Variants in FGF10 observed in about 807,000 individuals in gnomAD.
The protein encoded by FGF10 is fibroblast growth factor 10, also known as FGF-10.
FGF10 carries 2 observed loss-of-function variants against 19.8 expected under a neutral mutation model. That is an observed-to-expected ratio of 0.10 (90% CI 0.04 to 0.32). The LOEUF (loss-of-function observed/expected upper bound fraction) is 0.32. Among genes scored for constraint, FGF10 ranks in the 10% least tolerant of loss-of-function variants. The pLI is 1.00. For synonymous variants in FGF10, 112 were observed against 94.0 expected (o/e 1.19, Z -1.10); for missense variants, 191 against 246.3 (o/e 0.78, Z 1.50).
intron 1 of FGF10, among the ~76,000 whole-genome samples, chr5:44,385,411 C>A (rs1242243232): frequency 6.6e-6 from 1 of 152,162 alleles, no homozygotes; most frequent in Non-Finnish European, 1.5e-5. Context: ...TGTCTTACTT[C>A]CCTTTTGTTA....
At chr5:44,334,743 G>T (rs1740808682) in intron 1 of FGF10, among the ~76,000 whole-genome samples, 1 of 152,030 alleles carries the variant, frequency 6.6e-6, no homozygotes, top group African/African-American at 2.4e-5. Context: ...TGATACTATT[G>T]CAGAGTAGTT....
At chr5:44,367,920 G>A (rs1741656634) in intron 1 of FGF10, among the ~76,000 whole-genome samples, 2 of 150,550 alleles carry the variant, frequency 1.3e-5, no homozygotes. Context: ...AAAACACAGT[G>A]GCACATAAAG....
chr5:44,344,506 G>C (rs1741038586), intron 1 of FGF10, among the ~76,000 whole-genome samples: 1 of 149,076 alleles, frequency 6.7e-6, no homozygotes, highest in East Asian at 2.0e-4. Context: ...GTTATAGTTG[G>C]GGCAAAAGTT....
chr5:44,367,144 T>C (rs1443304643), intron 1 of FGF10, among the ~76,000 whole-genome samples: 2 of 152,052 alleles, frequency 1.3e-5, no homozygotes, highest in Non-Finnish European at 2.9e-5. Context: ...ATTCACACTA[T>C]AAAAGTATTT....
intron 1 of FGF10, among the ~76,000 whole-genome samples, chr5:44,315,253 T>A (rs550198802): frequency 5.9e-5 from 9 of 151,876 alleles, no homozygotes; most frequent in Non-Finnish European, 1.2e-4. Flanking sequence ...TATACATTAC[T>A]TTAAATAGTG....
Position 44,301,043 on chromosome 5 carries a change from G to A in FGF10, c.*3952C>T, listed in dbSNP as rs894612331. ...AATGTCTGAGAAGAAGCAGATCTTC[G>A]TTACTTCATTTCTAAGTACTCATAG... On this transcript the variant is annotated 3_prime_UTR_variant, in exon 3 of 3. Coordinates refer to ENST00000264664, the MANE Select transcript of FGF10 (RefSeq NM_004465.2). 6.6e-6 allele frequency among the ~76,000 whole-genome samples: 1 copy of A among 151,962 alleles called. No individual in the cohort carries two copies. The highest frequency in any genetic ancestry group is 2.4e-5 in the African/African-American group (1 of 41,396).
At chr5:44,316,979 T>G (rs1740366529) in intron 1 of FGF10, among the ~76,000 whole-genome samples, 1 of 152,156 alleles carries the variant, frequency 6.6e-6, no homozygotes, top group African/African-American at 2.4e-5. Context: ...CCCTTAAATA[T>G]ATGCACATGG....
At position 44,344,680 on chromosome 5, in the gene FGF10, C is replaced by T. The variant is rs546638937; in HGVS notation, c.326-34150G>A. ...TCCAATACTCAGGATTGAGAGAGTACAAGTTTTCCTTCATGATGATTTTCT... is the reference window on the plus strand; with the variant it reads ...TCCAATACTCAGGATTGAGAGAGTATAAGTTTTCCTTCATGATGATTTTCT... On this transcript the variant is annotated intron_variant, in intron 1 of 2. Transcript: ENST00000264664. 6.0e-5 allele frequency among the ~76,000 whole-genome samples: 9 copies of T among 150,034 alleles called. No individual in the cohort carries two copies. The South Asian group carries it at 1.7e-3, about 28-fold the overall frequency.
chr5:44,313,441 C>A (rs902895590), intron 1 of FGF10, among the ~76,000 whole-genome samples: 1 of 151,904 alleles, frequency 6.6e-6, no homozygotes, highest in Non-Finnish European at 1.5e-5. Context: ...GCTTATAGTT[C>A]TATATGTGTA....
intron 1 of FGF10, among the ~76,000 whole-genome samples, chr5:44,359,269 A>G (rs970682133): frequency 2.0e-5 from 3 of 151,532 alleles, no homozygotes; most frequent in African/African-American, 7.3e-5. Flanking sequence ...TTTTGGAAGA[A>G]AAAGTTATAT....
chr5:44,320,574 C>T (rs900243969), intron 1 of FGF10, among the ~76,000 whole-genome samples: 2 of 152,300 alleles, frequency 1.3e-5, no homozygotes, highest in Middle Eastern at 3.4e-3. Context: ...AGGTGATTCA[C>T]ATTCATTCTG....
intron 1 of FGF10, among the ~76,000 whole-genome samples, chr5:44,331,348 C>A (rs1740732348): frequency 6.6e-6 from 1 of 152,028 alleles, no homozygotes; most frequent in East Asian, 1.9e-4. Flanking sequence ...TTGTAAACAT[C>A]TATCAGTATC....
At chr5:44,314,281 A>C (rs1740282521) in intron 1 of FGF10, among the ~76,000 whole-genome samples, 1 of 152,186 alleles carries the variant, frequency 6.6e-6, no homozygotes, top group Non-Finnish European at 1.5e-5. Flanking sequence ...TTTAGTAAAC[A>C]TCTTGTGCAG....
chr5:44,362,491 A>C (rs893656015), intron 1 of FGF10, among the ~76,000 whole-genome samples: 3 of 151,652 alleles, frequency 2.0e-5, no homozygotes, highest in African/African-American at 7.3e-5. Context: ...ATAACCCAGC[A>C]AACAGCACAA....
chr5:44,327,299 T>C (rs992681393), intron 1 of FGF10, among the ~76,000 whole-genome samples: 8 of 152,304 alleles, frequency 5.3e-5, no homozygotes, highest in Middle Eastern at 3.4e-3. Flanking sequence ...TTGTATGCTA[T>C]AGGAAGAGAA....
chr5:44,351,482 T>C (rs942937936), intron 1 of FGF10, among the ~76,000 whole-genome samples: 2 of 151,564 alleles, frequency 1.3e-5, no homozygotes, highest in African/African-American at 4.8e-5. Flanking sequence ...GATTTAAAAA[T>C]AGAAATATCT....
chr5:44,382,302 C>A, intron 1 of FGF10, among the ~76,000 whole-genome samples: 1 of 152,222 alleles, frequency 6.6e-6, no homozygotes, highest in Non-Finnish European at 1.5e-5. Context: ...GGAAGGGAGC[C>A]TTTAAGGTCA....
chr5:44,383,960 A>T (rs1742043992), intron 1 of FGF10, among the ~76,000 whole-genome samples: 1 of 152,108 alleles, frequency 6.6e-6, no homozygotes, highest in Non-Finnish European at 1.5e-5. Context: ...AATAAGCTCT[A>T]GTCCTGGTTA....
At chr5:44,349,455 T>TATCAGA (rs1554038166) in intron 1 of FGF10, among the ~76,000 whole-genome samples, 5 of 36,006 alleles carry the variant, frequency 1.4e-4, no homozygotes, top group Admixed American at 3.5e-4. Flanking sequence ...TATATATATA[T>TATCAGA]ATATATATAT....
Sources: allele counts gnomAD v4.1 joint callset (sites outside exome capture counted in the v4.1 genomes callset), GRCh38; gene constraint gnomAD v4.1.1; transcripts MANE v1.5; gene names NCBI Gene and HGNC (gene_info 2026-07-23, HGNC 2026-07-21).